The following EVI5 variants were observed in gnomAD, a reference collection of about 807,000 sequenced individuals.
The protein encoded by EVI5 is ecotropic viral integration site 5 protein homolog.
A neutral mutation model predicts 112.0 loss-of-function variants in EVI5; 73 were observed. The ratio of observed to expected loss-of-function variants is 0.65; its 90% confidence interval spans 0.54 to 0.79. The LOEUF (loss-of-function observed/expected upper bound fraction) is 0.79, where lower values mean the gene tolerates loss of function less well. EVI5 is among the 30% of genes least tolerant of loss of function. EVI5 has a pLI of 0.00. For synonymous variants in EVI5, 305 were observed against 319.9 expected, an observed-to-expected ratio of 0.95 and a Z score of 0.50; for missense variants, 900 against 968.8, an observed-to-expected ratio of 0.93 and a Z score of 0.94.
At chr1:92,571,082 A>C (rs1463303749) in intron 18 of EVI5, among the ~76,000 whole-genome samples, 1 of 151,766 alleles carries the variant, frequency 6.6e-6, no homozygotes, top group Non-Finnish European at 1.5e-5. Flanking sequence ...AATAAAATTT[A>C]ATAAAGCTTA....
chr1:92,659,056 C>T (rs941525976), intron 13 of EVI5, among the ~76,000 whole-genome samples: 1 of 151,824 alleles, frequency 6.6e-6, no homozygotes, highest in African/African-American at 2.4e-5. Context: ...TCATATCTCT[C>T]ATCATTTACA....
intron 19 of EVI5, among the ~76,000 whole-genome samples, chr1:92,546,421 G>A (rs1208115998): frequency 6.6e-6 from 1 of 152,130 alleles, no homozygotes; most frequent in Non-Finnish European, 1.5e-5. Flanking sequence ...AAAATAGGCT[G>A]GGCGCGGTGG....
intron 2 of EVI5, among the ~76,000 whole-genome samples, chr1:92,729,949 C>A (rs1306762111): frequency 6.6e-6 from 1 of 152,018 alleles, no homozygotes; most frequent in Non-Finnish European, 1.5e-5. Context: ...ATTGAAAAAT[C>A]AATGTAATTT....
At chr1:92,637,978 C>T (rs897717851) in intron 13 of EVI5, among the ~76,000 whole-genome samples, 7 of 152,126 alleles carry the variant, frequency 4.6e-5, no homozygotes, top group Non-Finnish European at 1.0e-4. Flanking sequence ...TACCTTTTAT[C>T]AATTAGGAAA....
At chr1:92,529,782 T>C (rs1662533091) in intron 19 of EVI5, among the ~76,000 whole-genome samples, 1 of 152,202 alleles carries the variant, frequency 6.6e-6, no homozygotes, top group Admixed American at 6.5e-5. Context: ...TCTAGTATTA[T>C]GCTGATATTG....
intron 16 of EVI5, among the ~76,000 whole-genome samples, chr1:92,618,288 G>A (rs1359093000): frequency 6.6e-6 from 1 of 152,160 alleles, no homozygotes; most frequent in Admixed American, 6.5e-5. Flanking sequence ...CATTAATTCT[G>A]CTGGCCTAGA....
chr1:92,721,537 G>A (rs1674755664), intron 2 of EVI5, among the ~76,000 whole-genome samples: 1 of 152,116 alleles, frequency 6.6e-6, no homozygotes, highest in Non-Finnish European at 1.5e-5. Context: ...AGGGGTGGAG[G>A]GCTGGGGGAG....
At chr1:92,564,582 G>A (rs898183202) in intron 18 of EVI5, among the ~76,000 whole-genome samples, 1 of 152,128 alleles carries the variant, frequency 6.6e-6, no homozygotes, top group African/African-American at 2.4e-5. Flanking sequence ...GTTTGTTTCA[G>A]GTGAGCACTG....
intron 19 of EVI5, among the ~76,000 whole-genome samples, chr1:92,541,531 T>C (rs1664802193): frequency 6.6e-6 from 1 of 152,204 alleles, no homozygotes; most frequent in Middle Eastern, 3.2e-3. Context: ...AAACTGGTAC[T>C]GCTACTTTGG....
At chr1:92,516,955 G>A (rs180981863) in intron 19 of EVI5, among the ~76,000 whole-genome samples, 4 of 151,622 alleles carry the variant, frequency 2.6e-5, no homozygotes, top group Non-Finnish European at 4.4e-5. Flanking sequence ...ATTTCAAAAC[G>A]TAATCCACTA....
At chr1:92,550,029 GCTAT>G (rs1383325851) in intron 19 of EVI5, among the ~76,000 whole-genome samples, 1 of 152,080 alleles carries the variant, frequency 6.6e-6, no homozygotes. Context: ...AAATCATGCT[GCTAT>G]AAAGACACAT....
chr1:92,591,007 C>T (rs1442145652), intron 18 of EVI5, among the ~76,000 whole-genome samples: 1 of 152,146 alleles, frequency 6.6e-6, no homozygotes, highest in Non-Finnish European at 1.5e-5. Flanking sequence ...CATATCCAGC[C>T]AAACTAAGCT....
intron 13 of EVI5, among the ~76,000 whole-genome samples, chr1:92,641,577 T>C (rs555797488): frequency 5.9e-5 from 9 of 152,186 alleles, no homozygotes; most frequent in Non-Finnish European, 1.2e-4. Context: ...AAACAAAATT[T>C]GTAATAATGT....
At chr1:92,522,271 A>C (rs760874982) in intron 19 of EVI5, among the ~76,000 whole-genome samples, 2 of 152,182 alleles carry the variant, frequency 1.3e-5, no homozygotes, top group African/African-American at 2.4e-5. Flanking sequence ...ATACAGCATG[A>C]GTTTTAACAC....
At chr1:92,738,247 A>G (rs982059092) in intron 1 of EVI5, among the ~76,000 whole-genome samples, 1 of 152,196 alleles carries the variant, frequency 6.6e-6, no homozygotes, top group Non-Finnish European at 1.5e-5. Flanking sequence ...TTGTTATCCT[A>G]TCGATCTTAG....
At chr1:92,756,213 C>G (rs1345335182) in intron 1 of EVI5, 2 of 413,414 alleles carry the variant, frequency 4.8e-6, no homozygotes, top group African/African-American at 4.2e-5. Flanking sequence ...CATTAGAAAC[C>G]TATCAGTGGA....
chr1:92,686,745 C>A (rs1668597818), intron 9 of EVI5, among the ~76,000 whole-genome samples: 1 of 152,126 alleles, frequency 6.6e-6, no homozygotes, highest in Non-Finnish European at 1.5e-5. Flanking sequence ...TTTCTATACA[C>A]CAATAATAGA....
Position 92,695,442 on chromosome 1 carries a change from T to C in EVI5, c.777A>G (p.Pro259=), listed in dbSNP as rs375565498. ...GAGATTGAAAATGTACAAAGAGCTC[T>C]GGAAGATGCTCCTAAAGAGAAGAAA... ...QFECMIQEHL[P]ELFVHFQSQS... is the part of the protein sequence containing the mutation. The change falls in exon 7 of 20, where the codon CCA becomes CCG. Residue 259 remains proline (P), a synonymous_variant. Transcript: ENST00000684568. 6 of 1,596,244 alleles carry C rather than the reference T, an allele frequency of 3.8e-6. No individual in the cohort carries two copies. In the African/African-American group the frequency reaches 6.7e-5, roughly 18 times the overall value.
At chr1:92,632,053 T>A (rs200920754) in intron 14 of EVI5, among the ~76,000 whole-genome samples, 139,097 of 151,106 alleles carry the variant, frequency 0.92, 64,101 homozygotes, top group East Asian at 0.97. Flanking sequence ...GTGGATAAGC[T>A]TTTTGATGTG....
Sources: gnomAD v4.1 joint callset for allele counts (sites outside exome capture counted in the v4.1 genomes callset) on GRCh38, gnomAD v4.1.1 for gene constraint, MANE v1.5 for transcripts, NCBI Gene and HGNC (gene_info 2026-07-23, HGNC 2026-07-21) for gene names.